Variants in CDH7 observed in about 807,000 individuals in gnomAD.
CDH7 encodes the protein cadherin 7.
A neutral mutation model predicts 71.8 loss-of-function variants in CDH7; 25 were observed. The observed-to-expected ratio is 0.35, with a 90% CI of 0.25 to 0.49. The LOEUF (loss-of-function observed/expected upper bound fraction) is 0.49. Ranked by LOEUF, CDH7 falls within the 20% of genes least tolerant of loss-of-function variation. CDH7 has a pLI of 0.99. For missense variants in CDH7, 862 were observed against 974.6 expected (o/e 0.88, Z 1.54); for synonymous variants, 381 against 363.8 (o/e 1.05, Z -0.54).
intron 2 of CDH7, among the ~76,000 whole-genome samples, chr18:65,808,618 G>A (rs1000369011): frequency 6.6e-6 from 1 of 152,004 alleles, no homozygotes; most frequent in Non-Finnish European, 1.5e-5. Flanking sequence ...GGTACAAAAG[G>A]CAATGTCCTC....
chr18:65,799,574 G>A (rs1911043669), intron 2 of CDH7, among the ~76,000 whole-genome samples: 1 of 152,104 alleles, frequency 6.6e-6, no homozygotes, highest in Non-Finnish European at 1.5e-5. Context: ...TACTCGGGAG[G>A]CTGAGGCAGG....
At chr18:65,858,668 G>T (rs1056557292) in intron 8 of CDH7, among the ~76,000 whole-genome samples, 1 of 151,142 alleles carries the variant, frequency 6.6e-6, no homozygotes, top group Non-Finnish European at 1.5e-5. Context: ...GTATATATTT[G>T]GATATACATA....
chr18:65,801,126 G>T (rs936992121), intron 2 of CDH7, among the ~76,000 whole-genome samples: 1 of 152,150 alleles, frequency 6.6e-6, no homozygotes, highest in African/African-American at 2.4e-5. Context: ...CTTGATTCAA[G>T]ACTTTAGGCT....
intron 4 of CDH7, among the ~76,000 whole-genome samples, chr18:65,818,218 ATTTAC>A (rs1237142729): frequency 6.6e-6 from 1 of 152,114 alleles, no homozygotes; most frequent in Non-Finnish European, 1.5e-5. Flanking sequence ...TTCATTTCTA[ATTTAC>A]TTTTAGTTAA....
At chr18:65,849,389 CTTTTCTTTTCTTTTCT>C (rs1913059806) in intron 7 of CDH7, among the ~76,000 whole-genome samples, 3 of 113,512 alleles carry the variant, frequency 2.6e-5, no homozygotes, top group African/African-American at 1.2e-4. Flanking sequence ...CTTTTCTTTT[CTTTTCTTTTCTTTTCT>C]TTTCTTTTCT....
chr18:65,795,679 T>C (rs540648830), intron 2 of CDH7, among the ~76,000 whole-genome samples: 5 of 152,316 alleles, frequency 3.3e-5, no homozygotes, highest in African/African-American at 9.6e-5. Flanking sequence ...AATATGTCCT[T>C]TCAAATAAAT....
In CDH7 at chr18:65,880,727, C is replaced by G; in HGVS notation, c.2191C>G (p.Gln731Glu). 6.2e-7 allele frequency: 1 copy of G among 1,614,006 alleles called. No homozygotes were observed. Among genetic ancestry groups the G allele is most frequent in the South Asian group, 1.1e-5 (1 of 91,078 alleles). ...DPGAPPYDSL[Q>E]TYAFEGNGSV... ...TGGTGCTCCTCCTTATGACTCCCTGCAGACATATGCTTTTGAAGGAAATGG... is the reference window on the plus strand; with the variant it reads ...TGGTGCTCCTCCTTATGACTCCCTGGAGACATATGCTTTTGAAGGAAATGG... The change falls in exon 12 of 12, where the codon CAG (glutamine) becomes GAG (glutamate). Residue 731 changes from glutamine (Q) to glutamate (E), a missense_variant. By Grantham distance (29) the Gln-to-Glu change is conservative. Coordinates refer to ENST00000397968, the MANE Select transcript of CDH7 (RefSeq NM_004361.5).
chr18:65,853,676 A>C (rs1913226546), intron 7 of CDH7, among the ~76,000 whole-genome samples: 1 of 151,842 alleles, frequency 6.6e-6, no homozygotes, highest in South Asian at 2.1e-4. Context: ...TGTCTTTGAC[A>C]AAGTGTCCCA....
chr18:65,822,950 T>G (rs1466554512), intron 5 of CDH7, among the ~76,000 whole-genome samples: 1 of 151,902 alleles, frequency 6.6e-6, no homozygotes, highest in East Asian at 1.9e-4. Context: ...GTTCCCTTTT[T>G]TTCCCTAAGT....
At chr18:65,858,838 T>C (rs1913458005) in intron 8 of CDH7, 87 bp from the exon 9 acceptor site, 1 of 1,343,310 alleles carries the variant, frequency 7.4e-7, no homozygotes, top group African/African-American at 1.5e-5. Context: ...TGATTCTAGA[T>C]TTCATTCTCA....
chr18:65,779,368 A>G (rs1362570699), intron 2 of CDH7, among the ~76,000 whole-genome samples: 2 of 114,482 alleles, frequency 1.7e-5, no homozygotes, highest in African/African-American at 3.7e-5. Context: ...TTAGTTACAT[A>G]TGTATACATG....
intron 6 of CDH7, among the ~76,000 whole-genome samples, chr18:65,837,491 G>A (rs775228264): frequency 1.3e-5 from 2 of 152,170 alleles, no homozygotes; most frequent in Non-Finnish European, 2.9e-5. Context: ...GAAACTGGGA[G>A]GTATTGGTTC....
chr18:65,784,774 CA>C (rs1910451841), intron 2 of CDH7, among the ~76,000 whole-genome samples: 1 of 152,160 alleles, frequency 6.6e-6, no homozygotes, highest in Non-Finnish European at 1.5e-5. Flanking sequence ...ATTTTTGCCA[CA>C]ATTCTCGGAA....
intron 2 of CDH7, among the ~76,000 whole-genome samples, chr18:65,787,162 ATTTAT>A (rs550329439): frequency 6.6e-6 from 1 of 152,218 alleles, no homozygotes; most frequent in Non-Finnish European, 1.5e-5. Flanking sequence ...ATGGAAAATT[ATTTAT>A]TTTAACATTT....
intron 6 of CDH7, among the ~76,000 whole-genome samples, chr18:65,827,075 G>T (rs1330317794): frequency 6.6e-6 from 1 of 151,568 alleles, no homozygotes; most frequent in Non-Finnish European, 1.5e-5. Context: ...TCAATCATTA[G>T]TTATTATTAA....
intron 11 of CDH7, among the ~76,000 whole-genome samples, chr18:65,873,862 A>G (rs1378089634): frequency 6.6e-6 from 1 of 152,040 alleles, no homozygotes; most frequent in Admixed American, 6.6e-5. Context: ...TCCCATACAT[A>G]TTTTCCTAGC....
In CDH7 at chr18:65,781,962, T is replaced by TTCTC. The variant is rs575419221; in HGVS notation, c.210+18932_210+18935dup. ...TCTCTCTCTTTCTCTCTTTCTCTCT[T>TTCTC]TCTCTCTCTCTCTCTCTCTCTCTCT... On this transcript the variant is annotated intron_variant, in intron 2 of 11. Coordinates refer to ENST00000397968, the MANE Select transcript of CDH7 (RefSeq NM_004361.5). Among the ~76,000 whole-genome samples, 73 of 45,970 alleles carry TTCTC rather than the reference T, an allele frequency of 1.6e-3. 3 individuals are homozygous for TTCTC. The highest frequency in any genetic ancestry group is 2.1e-3 in the Non-Finnish European group (59 of 27,666). The allele number at this position is 45,970 out of a possible 152,430, so 30.2% of individuals were successfully genotyped here. A position where few individuals can be genotyped will look rare whatever the true frequency, so the allele number is the denominator to read the frequency against.
In CDH7 at chr18:65,811,983, T is replaced by TG. The variant is rs1255355190; in HGVS notation, c.505+1985_505+1986insG. 5.0e-3 allele frequency among the ~76,000 whole-genome samples: 723 copies of TG among 144,960 alleles called. 6 individuals are homozygous for TG. Among genetic ancestry groups the TG allele is most frequent in the African/African-American group, 0.018 (698 of 39,138 alleles). On this transcript the variant is annotated intron_variant, in intron 3 of 11. Transcript: ENST00000397968. ...TTTCTTTTCTTTTTTTTTTTTTTTTTTTGCGAGATGGAGTCTCACTCTGTT... is the reference window on the plus strand; with the variant it reads ...TTTCTTTTCTTTTTTTTTTTTTTTTTGTTGCGAGATGGAGTCTCACTCTGTT...
At chr18:65,862,441 A>G (rs1414001602) in intron 10 of CDH7, among the ~76,000 whole-genome samples, 2 of 152,182 alleles carry the variant, frequency 1.3e-5, no homozygotes, top group African/African-American at 2.4e-5. Context: ...CTTTATAACT[A>G]TTTCTTTTGT....
Sources: gnomAD v4.1 joint callset for allele counts (sites outside exome capture counted in the v4.1 genomes callset) on GRCh38, gnomAD v4.1.1 for gene constraint, MANE v1.5 for transcripts, NCBI Gene and HGNC (gene_info 2026-07-23, HGNC 2026-07-21) for gene names.